Variants in LMNB1 observed in about 807,000 individuals in gnomAD.
The protein encoded by LMNB1 is lamin-B1.
In LMNB1, 23 loss-of-function variants were observed where a neutral mutation model predicts 67.1. That is an observed-to-expected ratio of 0.34 (90% CI 0.25 to 0.49). LMNB1 has a LOEUF of 0.49. Ranked by LOEUF, LMNB1 falls within the 20% of genes least tolerant of loss-of-function variation. The pLI, the probability that LMNB1 is intolerant of heterozygous loss-of-function variation, is 0.99. For synonymous variants in LMNB1, 281 were observed against 282.9 expected, an observed-to-expected ratio of 0.99 and a Z score of 0.07; for missense variants, 634 against 746.5, an observed-to-expected ratio of 0.85 and a Z score of 1.76.
At chr5:126,779,814 C>T (rs1750579138) in intron 1 of LMNB1, among the ~76,000 whole-genome samples, 2 of 152,002 alleles carry the variant, frequency 1.3e-5, no homozygotes, top group African/African-American at 2.4e-5. Context: ...GGGCGGATCA[C>T]GAGGTCAGGA....
intron 1 of LMNB1, among the ~76,000 whole-genome samples, 189 bp downstream of exon 1, chr5:126,778,056 A>T (rs139629550): frequency 1.7e-3 from 257 of 152,138 alleles, no homozygotes; most frequent in African/African-American, 6.0e-3. Flanking sequence ...GGGGTCGCGG[A>T]GGGGGCTCGA....
intron 1 of LMNB1, among the ~76,000 whole-genome samples, chr5:126,795,827 A>G (rs1409925560): frequency 6.7e-6 from 1 of 149,870 alleles, no homozygotes; most frequent in Non-Finnish European, 1.5e-5. Context: ...GGGCTTCACC[A>G]TGTTGGATCA....
chr5:126,800,412 G>A (rs1472825150), intron 1 of LMNB1, among the ~76,000 whole-genome samples: 1 of 152,002 alleles, frequency 6.6e-6, no homozygotes, highest in African/African-American at 2.4e-5. Flanking sequence ...AATGGCAGTT[G>A]GTTAGGAATT....
rs1752161551 is a variant in LMNB1 at position 126,832,622 on chromosome 5, AG to A, written c.1612-71del. 3 of 1,098,244 alleles carry A rather than the reference AG, an allele frequency of 2.7e-6. No homozygotes were observed. In the Admixed American group the frequency reaches 5.4e-5, roughly 20 times the overall value. The allele number at this position is 1,098,244 out of a possible 1,614,324, so 68.0% of individuals were successfully genotyped here. A position where few individuals can be genotyped will look rare whatever the true frequency, so the allele number is the denominator to read the frequency against. On this transcript the variant is annotated intron_variant, in intron 9 of 10. Transcript: ENST00000261366. ...GCAAGAAATGCTGTCTCTTAAGCAAAGAAAAGGTCCCTCTCCCCCGCATTTG... is the reference window on the plus strand; with the variant it reads ...GCAAGAAATGCTGTCTCTTAAGCAAAAAAAGGTCCCTCTCCCCCGCATTTG...
At chr5:126,781,467 G>A (rs1750631444) in intron 1 of LMNB1, among the ~76,000 whole-genome samples, 1 of 151,838 alleles carries the variant, frequency 6.6e-6, no homozygotes, top group Admixed American at 6.6e-5. Context: ...TGGCATCTAG[G>A]GTTGTTAATG....
rs77429268 is a variant in LMNB1, at chr5:126,836,955, A to G, written c.*691A>G. ...TAAAATGCATTCGTTGTGTTTTTTA[A>G]GATAGTGTAACTTGCTTAAATTTCT... On this transcript the variant is annotated 3_prime_UTR_variant, in exon 11 of 11. Transcript: ENST00000261366. 4.3e-3 allele frequency: 1,707 copies of G among 398,252 alleles called. 9 individuals are homozygous for G. Among genetic ancestry groups the G allele is most frequent in the Non-Finnish European group, 6.1e-3 (1,379 of 225,870 alleles). 24.7% of individuals were successfully genotyped at this position (398,252 alleles called of 1,614,324 possible).
intron 1 of LMNB1, among the ~76,000 whole-genome samples, chr5:126,801,009 G>A (rs1396607240): frequency 7.1e-5 from 3 of 42,266 alleles, no homozygotes; most frequent in African/African-American, 2.1e-4. Context: ...TTGGTGGTAG[G>A]GTCTCACTCT....
chr5:126,787,712 G>T (rs1253168920), intron 1 of LMNB1, among the ~76,000 whole-genome samples: 1 of 150,744 alleles, frequency 6.6e-6, no homozygotes, highest in African/African-American at 2.4e-5. Context: ...CACCACACTC[G>T]GCTAATTTTT....
At chr5:126,825,120 G>A (rs1057345711) in intron 8 of LMNB1, among the ~76,000 whole-genome samples, 3 of 152,226 alleles carry the variant, frequency 2.0e-5, no homozygotes, top group African/African-American at 7.2e-5. Context: ...ATCTTTCTAA[G>A]AGATCAGGGC....
chr5:126,777,994 CAG>C, intron 1 of LMNB1, 127 bp downstream of exon 1: 1 of 850,862 alleles, frequency 1.2e-6, no homozygotes, highest in Non-Finnish European at 1.6e-6. Context: ...TCTGAAGGAA[CAG>C]GGTCTCGGTC....
rs1751549154 is a variant in LMNB1, at chr5:126,810,205, A to G, written c.668A>G (p.His223Arg). 1.2e-6 allele frequency: 2 copies of G among 1,613,048 alleles called. No individual in the cohort carries two copies. Among genetic ancestry groups the G allele is most frequent in the African/African-American group, 1.3e-5 (1 of 74,920 alleles). The change falls in exon 4 of 11, where the codon CAT (histidine) becomes CGT (arginine). Residue 223 changes from histidine to arginine, a missense_variant. Coordinates refer to ENST00000261366, the MANE Select transcript of LMNB1 (RefSeq NM_005573.4). ...GAGATTAACGAGACCAGAAGGAAGCATGAAACGCGCTTGGTAGAGGTGGAT... is the reference window on the plus strand; with the variant it reads ...GAGATTAACGAGACCAGAAGGAAGCGTGAAACGCGCTTGGTAGAGGTGGAT... ...EEEINETRRK[H>R]ETRLVEVDSG...
intron 1 of LMNB1, among the ~76,000 whole-genome samples, chr5:126,782,715 A>T (rs1750661061): frequency 6.6e-6 from 1 of 151,776 alleles, no homozygotes; most frequent in African/African-American, 2.4e-5. Flanking sequence ...ACGCCCAGGT[A>T]ATTTTTATAT....
intron 1 of LMNB1, among the ~76,000 whole-genome samples, chr5:126,791,517 GCA>G (rs1462627247): frequency 7.3e-5 from 11 of 151,636 alleles, no homozygotes; most frequent in South Asian, 2.1e-4. Flanking sequence ...GAGTGCAGTG[GCA>G]TGATCTTGGC....
rs558620505 is a variant in LMNB1, at chr5:126,807,548, CTT to C, written c.642+1854_642+1855del. The stretch of plus-strand genomic sequence containing the variant: ...AAGTGGAATACTGTGTGTGAAAACT[CTT>C]TGGATACTGTAGCAAGTGCTGTCAT... On this transcript the variant is annotated intron_variant, in intron 3 of 10. Coordinates refer to ENST00000261366, the MANE Select transcript of LMNB1 (RefSeq NM_005573.4). Among the ~76,000 whole-genome samples the C allele has an allele frequency of 2.1e-3, 318 of 152,292 alleles. 4 individuals carry two copies. Among genetic ancestry groups the C allele is most frequent in the African/African-American group, 7.2e-3 (299 of 41,552 alleles).
At chr5:126,835,013 A>G in intron 10 of LMNB1, among the ~76,000 whole-genome samples, 1 of 152,214 alleles carries the variant, frequency 6.6e-6, no homozygotes, top group East Asian at 1.9e-4. Flanking sequence ...CTTCTGTACA[A>G]TTTGGAACAA....
At chr5:126,824,639 A>G (rs1249172130) in intron 8 of LMNB1, among the ~76,000 whole-genome samples, 4 of 152,230 alleles carry the variant, frequency 2.6e-5, no homozygotes, top group African/African-American at 9.6e-5. Flanking sequence ...TATTGCTTAC[A>G]ATTAGGGAAA....
At chr5:126,800,756 G>A (rs1580536374) in intron 1 of LMNB1, among the ~76,000 whole-genome samples, 1 of 141,124 alleles carries the variant, frequency 7.1e-6, no homozygotes, top group Non-Finnish European at 1.5e-5. Context: ...GGGTTCAAGC[G>A]ATTCTCCCGC....
intron 1 of LMNB1, among the ~76,000 whole-genome samples, chr5:126,783,032 T>C (rs993930936): frequency 1.3e-5 from 2 of 150,410 alleles, no homozygotes; most frequent in African/African-American, 4.9e-5. Flanking sequence ...AAACCCCATC[T>C]CCATAAAAAT....
chr5:126,777,934 C>T, intron 1 of LMNB1, 67 bp downstream of exon 1: 1 of 1,362,050 alleles, frequency 7.3e-7, no homozygotes, highest in Non-Finnish European at 9.5e-7. Flanking sequence ...GCGACCAGCT[C>T]ACCGGGTTCT....
Sources: gnomAD v4.1 joint callset for allele counts (sites outside exome capture counted in the v4.1 genomes callset) on GRCh38, gnomAD v4.1.1 for gene constraint, MANE v1.5 for transcripts, NCBI Gene and HGNC (gene_info 2026-07-23, HGNC 2026-07-21) for gene names.